Variants in CREBZF observed in about 807,000 individuals in gnomAD.
CREBZF encodes the protein CREB/ATF bZIP transcription factor.
In CREBZF, 8 loss-of-function variants were observed where a neutral mutation model predicts 21.1. The ratio of observed to expected loss-of-function variants is 0.38; its 90% CI spans 0.22 to 0.68. The LOEUF is 0.68. Among genes scored for constraint, CREBZF ranks in the 30% least tolerant of loss-of-function variants. CREBZF has a pLI of 0.51. For missense variants in CREBZF, 518 were observed against 484.3 expected, an observed-to-expected ratio of 1.07 and a Z score of -0.65; for synonymous variants, 270 against 223.3, an observed-to-expected ratio of 1.21 and a Z score of -1.86.
In CREBZF at chr11:85,662,093, T is replaced by G. The variant is rs1219506595; in HGVS notation, c.*1718A>C. The stretch of plus-strand genomic sequence containing the variant: ...CATCACTCCAATTTGTGAGTTTGGC[T>G]ACTACCCATTCATGCTCAAGTGCAG... On this transcript the variant is annotated 3_prime_UTR_variant, in exon 1 of 1. Coordinates refer to ENST00000527447, the MANE Select transcript of CREBZF (RefSeq NM_001039618.4). The G allele has an allele frequency of 3.4e-6, 1 of 291,602 alleles. No homozygotes were observed. The highest frequency in any genetic ancestry group is 2.2e-5 in the African/African-American group (1 of 46,350). 18.1% of individuals were successfully genotyped at this position (291,602 alleles called of 1,614,324 possible).
chr11:85,664,914 A>C lies in CREBZF; in HGVS notation c.-39T>G. The C allele has an allele frequency of 7.2e-7, 1 of 1,384,104 alleles. No homozygotes were observed. Among genetic ancestry groups the C allele is most frequent in the Non-Finnish European group, 9.4e-7 (1 of 1,060,866 alleles). The allele number at this position is 1,384,104 out of a possible 1,614,324, so 85.7% of individuals were successfully genotyped here. ...GGGCCGCGGTAGGCCCCGGCCGCTA[A>C]GAGTGGGCCTCACGGGCCCCAAGGA... On this transcript the variant is annotated 5_prime_UTR_variant, in exon 1 of 1. Coordinates refer to ENST00000527447, the MANE Select transcript of CREBZF (RefSeq NM_001039618.4). The surrounding 1 kb of genome is among the most constrained non-coding windows in gnomAD (Gnocchi z 5.5).
At position 85,660,405 on chromosome 11, in the gene CREBZF, G is replaced by C; in HGVS notation, c.*3406C>G. The C allele has an allele frequency of 3.4e-6, 1 of 296,568 alleles. No individual in the cohort carries two copies. Among genetic ancestry groups the C allele is most frequent in the South Asian group, 2.8e-5 (1 of 35,094 alleles). 18.4% of individuals were successfully genotyped at this position (296,568 alleles called of 1,614,324 possible). On this transcript the variant is annotated 3_prime_UTR_variant, in exon 1 of 1. Transcript: ENST00000527447. Reference sequence around the variant, plus strand: ...TATTAAGTCTTTCAAGGATTCCAGAGAATCTTTTCATATCTCCATTTCTGG... The same window carrying C: ...TATTAAGTCTTTCAAGGATTCCAGACAATCTTTTCATATCTCCATTTCTGG...
At chr11:85,682,845 G>T in exon 1 of CREBZF, 2 of 702,392 alleles carry the variant, frequency 2.8e-6, no homozygotes. Context: ...GATGAGCCGA[G>T]CTTGGACGTA....
Position 85,662,654 on chromosome 11 carries a change from A to T in CREBZF, c.*1157T>A. The T allele has an allele frequency of 2.4e-6, 1 of 415,788 alleles. No homozygotes were observed. Among genetic ancestry groups the T allele is most frequent in the East Asian group, 3.3e-5 (1 of 29,896 alleles). 25.8% of individuals were successfully genotyped at this position (415,788 alleles called of 1,614,324 possible). On this transcript the variant is annotated 3_prime_UTR_variant, in exon 1 of 1. Coordinates refer to ENST00000527447, the MANE Select transcript of CREBZF (RefSeq NM_001039618.4). ...TCGTGTCATTTAAGTGGCCAGAACCACTCAATTTAAAAAATTATTTTAAAA... is the reference window on the plus strand; with the variant it reads ...TCGTGTCATTTAAGTGGCCAGAACCTCTCAATTTAAAAAATTATTTTAAAA...
At chr11:85,682,649 C>T in intron 1 of CREBZF, 1 of 482,254 alleles carries the variant, frequency 2.1e-6, no homozygotes, top group Non-Finnish European at 3.7e-6. Flanking sequence ...CCCCATATAA[C>T]GTGGAGTCCC....
At chr11:85,678,030 G>T (rs1340716923) in intron 1 of CREBZF, among the ~76,000 whole-genome samples, 1 of 152,072 alleles carries the variant, frequency 6.6e-6, no homozygotes, top group Non-Finnish European at 1.5e-5. Context: ...TAATCTTTTT[G>T]GGGGGTATAT....
chr11:85,664,718 C>A lies in CREBZF; in HGVS notation c.158G>T (p.Arg53Leu), dbSNP rs1481850823. 1.9e-6 allele frequency: 3 copies of A among 1,587,910 alleles called. No homozygotes were observed. The highest frequency in any genetic ancestry group is 2.6e-6 in the Non-Finnish European group (3 of 1,167,396). The change falls in exon 1 of 1, where the codon CGC (arginine) becomes CTC (leucine). Residue 53 changes from arginine (R) to leucine (L), a missense_variant. Transcript: ENST00000527447. This position sits in a 1 kb window ranked among gnomAD's most constrained non-coding sequence, Gnocchi z 5.5. ...EETAAAGSPG[R>L]KQQFGDEGEL... ...TCCTTCGTCGCCAAACTGCTGCTTG[C>A]GGCCGGGAGATCCGGCCGCCGCCGT...
intron 1 of CREBZF, among the ~76,000 whole-genome samples, chr11:85,678,515 T>C (rs1284919448): frequency 6.6e-6 from 1 of 152,254 alleles, no homozygotes; most frequent in Non-Finnish European, 1.5e-5. Context: ...AATTATTTTT[T>C]GCTTTAGCAT....
intron 1 of CREBZF, among the ~76,000 whole-genome samples, chr11:85,679,558 C>A (rs539796350): frequency 6.6e-6 from 1 of 152,278 alleles, no homozygotes; most frequent in African/African-American, 2.4e-5. Context: ...AAAATGAATA[C>A]CAAAATCCTA....
chr11:85,670,789 T>C (rs956306077), intron 1 of CREBZF, among the ~76,000 whole-genome samples: 5 of 152,178 alleles, frequency 3.3e-5, no homozygotes, highest in Admixed American at 6.5e-5. Context: ...ATAGATTAGA[T>C]TGCGTCCCTC....
intron 1 of CREBZF, among the ~76,000 whole-genome samples, chr11:85,671,222 C>T (rs1253434575): frequency 6.6e-6 from 1 of 152,160 alleles, no homozygotes; most frequent in Non-Finnish European, 1.5e-5. Context: ...ACCATCAGAC[C>T]TCATGAGACT....
At chr11:85,665,232 T>C (rs2082842749), upstream of CREBZF, 3 of 266,134 alleles carry the variant, frequency 1.1e-5, no homozygotes, top group Middle Eastern at 2.3e-3. Context: ...TCCAGCTTTC[T>C]AGTGATGTCA....
At chr11:85,672,491 G>A (rs2082918743) in intron 1 of CREBZF, among the ~76,000 whole-genome samples, 1 of 152,286 alleles carries the variant, frequency 6.6e-6, no homozygotes. Context: ...CCAAACTTTT[G>A]TGTTGTTTCC....
At chr11:85,666,197 T>G (rs1214706483), upstream of CREBZF, among the ~76,000 whole-genome samples, 1 of 152,232 alleles carries the variant, frequency 6.6e-6, no homozygotes, top group East Asian at 1.9e-4. Context: ...GTTATTTAGG[T>G]TCACATCCCA....
rs1326252519 is a variant in CREBZF at position 85,664,643 on chromosome 11, GGC to G, written c.231_232del (p.Pro78LeufsTer47). 3.1e-6 allele frequency: 5 copies of G among 1,608,050 alleles called. No homozygotes were observed. The highest frequency in any genetic ancestry group is 1.3e-5 in the African/African-American group (1 of 74,642). ...CTCCTCCTCCATCTCCTCGGGGGAG[GGC>G]GCGCGCACGGCCACGCCGCCGCGGC... is the stretch of plus-strand genomic sequence containing the variant. On this transcript the variant is annotated frameshift_variant, in exon 1 of 1. Coordinates refer to ENST00000527447, the MANE Select transcript of CREBZF (RefSeq NM_001039618.4). LOFTEE classifies it high-confidence loss of function. This position sits in a 1 kb window ranked among gnomAD's most constrained non-coding sequence, Gnocchi z 5.5.
rs1468502906 is a variant in CREBZF at position 85,664,956 on chromosome 11, G to A, written c.-81C>T. 4 of 1,071,256 alleles carry A rather than the reference G, an allele frequency of 3.7e-6. No homozygotes were observed. The highest frequency in any genetic ancestry group is 5.0e-6 in the Non-Finnish European group (4 of 798,176). 66.4% of individuals were successfully genotyped at this position (1,071,256 alleles called of 1,614,324 possible). Reference sequence around the variant, plus strand: ...CCCCAAGGATCCCAGGCCCCAGGGCGGGTAGCCCCCGGCACTGGCCGAAAC... The same window carrying A: ...CCCCAAGGATCCCAGGCCCCAGGGCAGGTAGCCCCCGGCACTGGCCGAAAC... On this transcript the variant is annotated 5_prime_UTR_variant, in exon 1 of 1. Transcript: ENST00000527447. The surrounding 1 kb of genome is among the most constrained non-coding windows in gnomAD (Gnocchi z 5.5).
At position 85,664,681 on chromosome 11, in the gene CREBZF, G is replaced by A. The variant is rs775347674; in HGVS notation, c.195C>T (p.Ala65=). 340 of 1,604,036 alleles carry A rather than the reference G, an allele frequency of 2.1e-4. No homozygotes were observed. Among genetic ancestry groups the A allele is most frequent in the Non-Finnish European group, 2.8e-4 (328 of 1,175,936 alleles). Residue 65 remains alanine, a synonymous_variant, in exon 1 of 1, where the codon GCC becomes GCT. Coordinates refer to ENST00000527447, the MANE Select transcript of CREBZF (RefSeq NM_001039618.4). The surrounding 1 kb of genome is among the most constrained non-coding windows in gnomAD (Gnocchi z 5.5). Reference sequence around the variant, plus strand: ...CCACGCCGCCGCGGCTCCCCCTCCCGGCTTCCAACTCTCCTTCGTCGCCAA... The same window carrying A: ...CCACGCCGCCGCGGCTCCCCCTCCCAGCTTCCAACTCTCCTTCGTCGCCAA... ...QQFGDEGELE[A]GRGSRGGVAV...
upstream of CREBZF, among the ~76,000 whole-genome samples, chr11:85,668,659 A>C (rs191029856): frequency 6.6e-6 from 1 of 152,288 alleles, no homozygotes; most frequent in East Asian, 1.9e-4. Flanking sequence ...CTTTAACAGG[A>C]ATGCCTTAAC....
At chr11:85,681,983 C>T (rs989527145) in intron 1 of CREBZF, among the ~76,000 whole-genome samples, 6 of 152,112 alleles carry the variant, frequency 3.9e-5, no homozygotes, top group Non-Finnish European at 2.9e-5. Flanking sequence ...GGAGAAAGCA[C>T]GGGTTTTAGA....
Sources: gnomAD v4.1 joint callset for allele counts (sites outside exome capture counted in the v4.1 genomes callset) on GRCh38, gnomAD v4.1.1 for gene constraint, Gnocchi (gnomAD v3.1) non-coding constraint, MANE v1.5 for transcripts, NCBI Gene and HGNC (gene_info 2026-07-23, HGNC 2026-07-21) for gene names.